CACNA1B: variants seen among roughly 807,000 people sequenced by gnomAD.
CACNA1B encodes voltage-dependent N-type calcium channel subunit alpha-1B.
A neutral mutation model predicts 247.2 loss-of-function variants in CACNA1B; 70 were observed. That is an observed-to-expected ratio of 0.28 (90% confidence interval 0.23 to 0.35). The LOEUF (loss-of-function observed/expected upper bound fraction) is 0.35, where lower values mean the gene tolerates loss of function less well. Ranked by LOEUF, CACNA1B falls within the 10% of genes least tolerant of loss-of-function variation. CACNA1B has a pLI of 1.00. For missense variants in CACNA1B, 2,367 were observed against 3,197.4 expected, an observed-to-expected ratio of 0.74 and a Z score of 6.26; for synonymous variants, 1,231 against 1,294.4, an observed-to-expected ratio of 0.95 and a Z score of 1.05.
chr9:137,889,204 G>A (rs1256371759), intron 3 of CACNA1B, among the ~76,000 whole-genome samples: 2 of 150,414 alleles, frequency 1.3e-5, no homozygotes, highest in African/African-American at 4.8e-5. Flanking sequence ...CGAGCTGGGT[G>A]TGTCCGTGCT....
intron 20 of CACNA1B, among the ~76,000 whole-genome samples, chr9:138,040,386 T>G (rs1039721991): frequency 3.3e-5 from 5 of 151,936 alleles, no homozygotes; most frequent in Non-Finnish European, 5.9e-5. Context: ...AGTTCATATA[T>G]GACTGATCTT....
intron 15 of CACNA1B, among the ~76,000 whole-genome samples, chr9:138,000,310 G>C (rs568444873): frequency 1.3e-5 from 2 of 151,996 alleles, no homozygotes; most frequent in East Asian, 1.9e-4. Context: ...GTGTTAGCCA[G>C]GATGGTCTCG....
At chr9:137,978,221 C>A (rs1375865119) in intron 12 of CACNA1B, among the ~76,000 whole-genome samples, 3 of 122,738 alleles carry the variant, frequency 2.4e-5, no homozygotes, top group Non-Finnish European at 5.0e-5. Context: ...AACGGGATCA[C>A]TACTCCCCCA....
chr9:138,012,605 A>T lies in CACNA1B; in HGVS notation c.2161-524A>T, dbSNP rs530319905. Among the ~76,000 whole-genome samples the T allele has an allele frequency of 2.6e-5, 4 of 151,840 alleles. No individual in the cohort carries two copies. The South Asian group carries it at 8.3e-4, about 32-fold the overall frequency. On this transcript the variant is annotated intron_variant, in intron 17 of 46. Transcript: ENST00000371372. This position sits in a 1 kb window ranked among gnomAD's most constrained non-coding sequence, Gnocchi z 4.2. ...GACACGTGCTTGGAGTCCCAGCTGC[A>T]TGGGAGGCTGAGGTTAGAGGATCAC...
intron 1 of CACNA1B, 64 bp from the exon 2 acceptor site, chr9:137,878,990 T>C (rs1390044832): frequency 9.5e-7 from 1 of 1,055,852 alleles, no homozygotes; most frequent in Non-Finnish European, 1.4e-6. Flanking sequence ...CACTGGGCTC[T>C]GCTGGCGTCG....
At chr9:138,056,164 G>A (rs183683940) in intron 26 of CACNA1B, among the ~76,000 whole-genome samples, 9 of 152,064 alleles carry the variant, frequency 5.9e-5, no homozygotes, top group Non-Finnish European at 1.2e-4. Context: ...TGCAAGCATC[G>A]CCACAGTCAA....
chr9:137,955,668 G>T lies in CACNA1B; in HGVS notation c.1071-30G>T. The T allele has an allele frequency of 1.3e-6, 2 of 1,483,294 alleles. No homozygotes were observed. The highest frequency in any genetic ancestry group is 2.3e-5 in the South Asian group (2 of 86,286). The allele number at this position is 1,483,294 out of a possible 1,614,324, so 91.9% of individuals were successfully genotyped here. ...ACACCTGTGGGGCTTGCACTCACCT[G>T]ATCTTGCTTTTCCGGCCCCTGCATG... On this transcript the variant is annotated intron_variant, in intron 7 of 46. Coordinates refer to ENST00000371372, the MANE Select transcript of CACNA1B (RefSeq NM_000718.4). The surrounding 1 kb of genome is among the most constrained non-coding windows in gnomAD (Gnocchi z 6.9).
chr9:137,969,980 AAC>A (rs537662812), intron 10 of CACNA1B, among the ~76,000 whole-genome samples: 226 of 152,282 alleles, frequency 1.5e-3, no homozygotes, highest in Middle Eastern at 6.8e-3. Context: ...CATGTGTACA[AAC>A]ACACAGAAAA....
chr9:138,120,754 C>G lies in CACNA1B; in HGVS notation c.6362C>G (p.Ser2121Cys), dbSNP rs1962060877. 3 of 1,549,016 alleles carry G rather than the reference C, an allele frequency of 1.9e-6. No homozygotes were observed. The highest frequency in any genetic ancestry group is 2.6e-6 in the Non-Finnish European group (3 of 1,147,268). Residue 2121 changes from serine (S) to cysteine (C), a missense_variant, in exon 46 of 47, where the codon TCC becomes TGC. Coordinates refer to ENST00000371372, the MANE Select transcript of CACNA1B (RefSeq NM_000718.4). Reference sequence around the variant, plus strand: ...GAGCGGAGGCAGCCCTCATCCTCCTCCTCGGAGAAGCAGCGCTTCTACTCC... The same window carrying G: ...GAGCGGAGGCAGCCCTCATCCTCCTGCTCGGAGAAGCAGCGCTTCTACTCC... ...SQERRQPSSS[S>C]SEKQRFYSCD...
chr9:138,000,133 C>G (rs1329184992), intron 15 of CACNA1B, among the ~76,000 whole-genome samples: 11 of 146,804 alleles, frequency 7.5e-5, no homozygotes, highest in East Asian at 2.0e-4. Context: ...GAGTCTCGCT[C>G]TGTCGCCCAG....
At chr9:138,108,162 C>G (rs951274050) in intron 39 of CACNA1B, among the ~76,000 whole-genome samples, 3 of 151,570 alleles carry the variant, frequency 2.0e-5, no homozygotes, top group Non-Finnish European at 4.4e-5. Flanking sequence ...CACAGGGAGC[C>G]CCTGGCTCTA....
intron 20 of CACNA1B, among the ~76,000 whole-genome samples, chr9:138,026,999 C>T (rs560492063): frequency 1.3e-5 from 2 of 152,304 alleles, no homozygotes; most frequent in Non-Finnish European, 2.9e-5. Context: ...GTTTATTTTG[C>T]AATTTCCTAA....
intron 12 of CACNA1B, among the ~76,000 whole-genome samples, chr9:137,978,700 C>A (rs896217897): frequency 7.3e-6 from 1 of 137,254 alleles, no homozygotes; most frequent in Non-Finnish European, 1.5e-5. Flanking sequence ...AGGTGGTAGA[C>A]ATTTGTGTCT....
chr9:138,058,035 T>C lies in CACNA1B; in HGVS notation c.4107-14T>C. 2 of 1,610,758 alleles carry C rather than the reference T, an allele frequency of 1.2e-6. No homozygotes were observed. Among genetic ancestry groups the C allele is most frequent in the South Asian group, 2.2e-5 (2 of 91,016 alleles). Reference sequence around the variant, plus strand: ...TTGGGGGTTCCCCTGACACTTGCTCTCCTCTTTGCCCAGGGTGCTGAAACA... The same window carrying C: ...TTGGGGGTTCCCCTGACACTTGCTCCCCTCTTTGCCCAGGGTGCTGAAACA... On this transcript the variant is annotated splice_polypyrimidine_tract_variant and intron_variant, in intron 27 of 46. Transcript: ENST00000371372. The surrounding 1 kb of genome is among the most constrained non-coding windows in gnomAD (Gnocchi z 4.7).
chr9:137,887,997 T>G, intron 3 of CACNA1B, among the ~76,000 whole-genome samples: 3 of 144,214 alleles, frequency 2.1e-5, no homozygotes, highest in Admixed American at 1.4e-4. Flanking sequence ...GGGGAGAGGC[T>G]GGGAGGGTGG....
chr9:137,984,112 C>G (rs1958325843), intron 12 of CACNA1B, 26 bp from the exon 13 acceptor site: 3 of 1,545,758 alleles, frequency 1.9e-6, no homozygotes, highest in Non-Finnish European at 2.6e-6. Flanking sequence ...TACGGTGCAC[C>G]CAAGGCTAAT....
rs539040415 is a variant in CACNA1B at position 137,913,977 on chromosome 9, G to A, written c.623-677G>A. Among the ~76,000 whole-genome samples the A allele has an allele frequency of 1.0e-3, 159 of 152,316 alleles. No homozygotes were observed. The highest frequency in any genetic ancestry group is 3.7e-3 in the African/African-American group (153 of 41,572). On this transcript the variant is annotated intron_variant, in intron 4 of 46. Transcript: ENST00000371372. The surrounding 1 kb of genome is among the most constrained non-coding windows in gnomAD (Gnocchi z 5.2). ...AAGTGCTGGGGCCAGACTCGAAGGG[G>A]AGGGGTCAAGGTTTACAGGCTCCTC...
At position 137,971,686 on chromosome 9, in the gene CACNA1B, G is replaced by T; in HGVS notation, c.1543+94G>T. The T allele has an allele frequency of 9.5e-7, 1 of 1,049,936 alleles. No individual in the cohort carries two copies. The highest frequency in any genetic ancestry group is 1.6e-5 in the African/African-American group (1 of 63,916). 65.0% of individuals were successfully genotyped at this position (1,049,936 alleles called of 1,614,324 possible). A position where few individuals can be genotyped will look rare whatever the true frequency, so the allele number is the denominator to read the frequency against. On this transcript the variant is annotated intron_variant, in intron 11 of 46. Coordinates refer to ENST00000371372, the MANE Select transcript of CACNA1B (RefSeq NM_000718.4). This position sits in a 1 kb window ranked among gnomAD's most constrained non-coding sequence, Gnocchi z 4.4. ...CATGCCCTGGGGCTACCCCAGGTGG[G>T]ACGGGACCCACCCCCATGTTGCTCA...
At chr9:138,017,298 C>T (rs1222842967) in intron 18 of CACNA1B, 7 of 470,278 alleles carry the variant, frequency 1.5e-5, no homozygotes, top group Non-Finnish European at 2.2e-5. Flanking sequence ...CACCGCAAGT[C>T]ATTTGCTTCA....
Sources: allele counts gnomAD v4.1 joint callset (sites outside exome capture counted in the v4.1 genomes callset), GRCh38; gene constraint gnomAD v4.1.1; non-coding constraint Gnocchi (gnomAD v3.1); transcripts MANE v1.5; gene names NCBI Gene and HGNC (gene_info 2026-07-23, HGNC 2026-07-21).